The following TMEM184B variants were observed in gnomAD, a reference collection of about 807,000 sequenced individuals.
TMEM184B encodes putative MAPK-activating protein FM08.
In TMEM184B, 17 loss-of-function variants were observed where a neutral mutation model predicts 41.8. That is an observed-to-expected ratio of 0.41 (90% CI 0.28 to 0.61). The LOEUF is 0.61. Ranked by LOEUF, TMEM184B falls within the 20% of genes least tolerant of loss-of-function variation. The probability of loss-of-function intolerance (pLI) is 0.34; values close to 1 mark genes in which losing one functional copy is unlikely to be tolerated. For missense variants in TMEM184B, 393 were observed against 557.8 expected (o/e 0.70, Z 2.98); for synonymous variants, 240 against 229.5 (o/e 1.05, Z -0.41).
chr22:38,268,106 G>A (rs1194222904), intron 1 of TMEM184B, among the ~76,000 whole-genome samples: 1 of 152,174 alleles, frequency 6.6e-6, no homozygotes, highest in African/African-American at 2.4e-5. Context: ...GCGGAGGCCG[G>A]GCAGAGTGGC....
chr22:38,254,331 G>A (rs2092236013), intron 1 of TMEM184B, among the ~76,000 whole-genome samples: 1 of 152,142 alleles, frequency 6.6e-6, no homozygotes, highest in Admixed American at 6.6e-5. Context: ...ATGGCGCAGT[G>A]GCTCATGCCT....
At chr22:38,217,152 C>A (rs2091158300), downstream of TMEM184B, among the ~76,000 whole-genome samples, 1 of 151,680 alleles carries the variant, frequency 6.6e-6, no homozygotes, top group African/African-American at 2.4e-5. Context: ...CATGGTGAAA[C>A]CCCGTCTCTA....
At chr22:38,228,862 G>A (rs933726198) in intron 5 of TMEM184B, among the ~76,000 whole-genome samples, 5 of 152,222 alleles carry the variant, frequency 3.3e-5, no homozygotes, top group Non-Finnish European at 7.3e-5. Context: ...TAACAATCAT[G>A]AAATCAAAAT....
At position 38,231,286 on chromosome 22, in the gene TMEM184B, C is replaced by G. The variant is rs1214671318; in HGVS notation, c.407G>C (p.Gly136Ala). 1 of 1,614,180 alleles carries G rather than the reference C, an allele frequency of 6.2e-7. No homozygotes were observed. ...FLSLCYEYLG[G>A]ESSIMSEIRG... Reference sequence around the variant, plus strand: ...GATCTCCGACATGATGGAACTTTCTCCTCCTAGGTACTCATAGCACAGGCT... The same window carrying G: ...GATCTCCGACATGATGGAACTTTCTGCTCCTAGGTACTCATAGCACAGGCT... The change falls in exon 4 of 9, where the codon GGA becomes GCA. Residue 136 changes from glycine (G) to alanine (A), a missense_variant. Physicochemically the swap from Gly to Ala is moderately conservative, Grantham distance 60 (BLOSUM62 0). Around this residue, in one of 2 missense-constraint regions of TMEM184B, gnomAD observed 271 missense variants for 434.1 expected, o/e 0.62. Transcript: ENST00000361906.
At chr22:38,250,271 C>T (rs1211194583) in intron 1 of TMEM184B, among the ~76,000 whole-genome samples, 2 of 152,248 alleles carry the variant, frequency 1.3e-5, no homozygotes, top group African/African-American at 2.4e-5. Flanking sequence ...CGCCAACGGC[C>T]GCAGCATCTC....
Position 38,225,014 on chromosome 22 carries a change from T to C in TMEM184B, c.788-35A>G, listed in dbSNP as rs761846278. The C allele has an allele frequency of 3.6e-5, 54 of 1,508,186 alleles. 1 individual carries two copies. In the South Asian group the frequency reaches 4.8e-4, roughly 13 times the overall value. 93.4% of individuals were successfully genotyped at this position (1,508,186 alleles called of 1,614,324 possible). On this transcript the variant is annotated intron_variant, in intron 7 of 8. Transcript: ENST00000361906. The surrounding 1 kb of genome is among the most constrained non-coding windows in gnomAD (Gnocchi z 4.4). ...GAGGCACGGGTGTCTGGACCCAGAATGATTCCTTTCCTGCTCCCCCTTCTT... is the reference window on the plus strand; with the variant it reads ...GAGGCACGGGTGTCTGGACCCAGAACGATTCCTTTCCTGCTCCCCCTTCTT...
At chr22:38,235,431 C>T (rs2091749288) in intron 3 of TMEM184B, among the ~76,000 whole-genome samples, 1 of 152,334 alleles carries the variant, frequency 6.6e-6, no homozygotes, top group Non-Finnish European at 1.5e-5. Context: ...AGTCAGCACA[C>T]TTTTGAATTA....
At chr22:38,230,877 G>A (rs746627930) in intron 4 of TMEM184B, 133 bp from the exon 5 acceptor site, 46 of 853,918 alleles carry the variant, frequency 5.4e-5, no homozygotes, top group Admixed American at 6.1e-5. Flanking sequence ...CTTTGAACCC[G>A]AGGCCAAGCA....
chr22:38,262,083 A>G (rs2092377728), intron 1 of TMEM184B, among the ~76,000 whole-genome samples: 1 of 152,262 alleles, frequency 6.6e-6, no homozygotes, highest in Non-Finnish European at 1.5e-5. Flanking sequence ...GCAGCAGAGA[A>G]AAAAACCAAA....
At chr22:38,232,045 C>G (rs771368147) in intron 3 of TMEM184B, 1 of 156,366 alleles carries the variant, frequency 6.4e-6, no homozygotes, top group Non-Finnish European at 1.4e-5. Flanking sequence ...TTGTGTGTTA[C>G]AGGTCACAAT....
At position 38,220,202 on chromosome 22, in the gene TMEM184B, G is replaced by C. The variant is rs918928009; in HGVS notation, c.*1267C>G. On this transcript the variant is annotated 3_prime_UTR_variant, in exon 9 of 9. Transcript: ENST00000361906. ...CTGCTGGGGGTTCCGGAGGCCCCAGGTCTAGAGGTGTGGAGGGGGAGAGGA... is the reference window on the plus strand; with the variant it reads ...CTGCTGGGGGTTCCGGAGGCCCCAGCTCTAGAGGTGTGGAGGGGGAGAGGA... The C allele has an allele frequency of 4.6e-5, 45 of 985,380 alleles. No individual in the cohort carries two copies. The highest frequency in any genetic ancestry group is 5.1e-5 in the Non-Finnish European group (42 of 829,974). 61.0% of individuals were successfully genotyped at this position (985,380 alleles called of 1,614,324 possible).
rs574829598 is a variant in TMEM184B at position 38,225,822 on chromosome 22, CT to C, written c.618-230del. 7.2e-5 allele frequency among the ~76,000 whole-genome samples: 11 copies of C among 152,318 alleles called. 1 individual carries two copies. The South Asian group carries it at 2.3e-3, about 32-fold the overall frequency. On this transcript the variant is annotated intron_variant, in intron 6 of 8. Coordinates refer to ENST00000361906, the MANE Select transcript of TMEM184B (RefSeq NM_012264.5). The surrounding 1 kb of genome is among the most constrained non-coding windows in gnomAD (Gnocchi z 4.4). ...CTACTGCCTCTGCGTGGCTCGTGGACTTGTCTAAGCCCTGGTGCCCACACTC... is the reference window on the plus strand; with the variant it reads ...CTACTGCCTCTGCGTGGCTCGTGGACTGTCTAAGCCCTGGTGCCCACACTC...
chr22:38,264,512 G>A (rs964854648), intron 1 of TMEM184B, among the ~76,000 whole-genome samples: 1 of 152,136 alleles, frequency 6.6e-6, no homozygotes, highest in Non-Finnish European at 1.5e-5. Flanking sequence ...AAGCTGCAGG[G>A]GACACCACAG....
chr22:38,260,338 G>A (rs2092352340), intron 1 of TMEM184B, among the ~76,000 whole-genome samples: 1 of 152,146 alleles, frequency 6.6e-6, no homozygotes, highest in Non-Finnish European at 1.5e-5. Context: ...TTACAGATGT[G>A]AGCCACCGCA....
chr22:38,222,495 T>C (rs2091288401), intron 8 of TMEM184B: 4 of 690,722 alleles, frequency 5.8e-6, no homozygotes, highest in Non-Finnish European at 7.1e-6. Context: ...AGGGTGGCCC[T>C]TGACAGGTGC....
Position 38,219,440 on chromosome 22 carries a change from C to T in TMEM184B, c.*2029G>A, listed in dbSNP as rs2091199398. On this transcript the variant is annotated 3_prime_UTR_variant, in exon 9 of 9. Transcript: ENST00000361906. ...GGCAGTCATACAACAAGATACAAAA[C>T]TAGGAGACTCTGTCTTCTCATACAT... 2.0e-6 allele frequency: 2 copies of T among 985,704 alleles called. No homozygotes were observed. The highest frequency in any genetic ancestry group is 2.4e-6 in the Non-Finnish European group (2 of 829,910). 61.1% of individuals were successfully genotyped at this position (985,704 alleles called of 1,614,324 possible).
At chr22:38,244,585 T>C (rs2091983166) in intron 3 of TMEM184B, among the ~76,000 whole-genome samples, 1 of 152,036 alleles carries the variant, frequency 6.6e-6, no homozygotes, top group Non-Finnish European at 1.5e-5. Flanking sequence ...GCCTCCTGAG[T>C]AGCTGGAATT....
chr22:38,224,366 G>A (rs942522910), intron 8 of TMEM184B, among the ~76,000 whole-genome samples: 7 of 152,152 alleles, frequency 4.6e-5, no homozygotes, highest in Admixed American at 1.3e-4. Context: ...CACCCGCCTC[G>A]GCCTCCCAAA....
At chr22:38,244,045 T>G (rs745586304) in intron 3 of TMEM184B, among the ~76,000 whole-genome samples, 1 of 152,086 alleles carries the variant, frequency 6.6e-6, no homozygotes, top group East Asian at 1.9e-4. Context: ...ATCAAGCCCT[T>G]GAGGCTGGGA....
Sources: gnomAD v4.1 joint callset for allele counts (sites outside exome capture counted in the v4.1 genomes callset) on GRCh38, gnomAD v4.1.1 for gene constraint, gnomAD v4.1.1 regional missense constraint, Gnocchi (gnomAD v3.1) non-coding constraint, MANE v1.5 for transcripts, NCBI Gene and HGNC (gene_info 2026-07-23, HGNC 2026-07-21) for gene names.